STK39: variants seen among roughly 807,000 people sequenced by gnomAD.
STK39 encodes the protein serine/threonine kinase 39.
Under a neutral mutation model 77.8 loss-of-function variants are expected in STK39, and 20 were observed. The observed-to-expected ratio is 0.26, with a 90% confidence interval of 0.18 to 0.37. The LOEUF (loss-of-function observed/expected upper bound fraction) is 0.37. STK39 is among the 10% of genes least tolerant of loss of function. STK39 has a pLI of 1.00. For synonymous variants in STK39, 246 were observed against 234.1 expected (o/e 1.05, Z -0.47); for missense variants, 479 against 656.5 (o/e 0.73, Z 2.95).
intron 14 of STK39, among the ~76,000 whole-genome samples, chr2:168,050,133 A>G (rs749701231): frequency 6.6e-6 from 1 of 152,222 alleles, no homozygotes; most frequent in Non-Finnish European, 1.5e-5. Context: ...CATTTGGCAT[A>G]CACTGGGCAC....
intron 1 of STK39, among the ~76,000 whole-genome samples, chr2:168,222,944 A>G (rs1394496264): frequency 6.6e-6 from 1 of 152,098 alleles, no homozygotes; most frequent in Non-Finnish European, 1.5e-5. Context: ...AGTAATAACA[A>G]CTCCTCAGTG....
intron 10 of STK39, among the ~76,000 whole-genome samples, chr2:168,100,468 T>C (rs1686793031): frequency 6.6e-6 from 1 of 152,144 alleles, no homozygotes; most frequent in Non-Finnish European, 1.5e-5. Flanking sequence ...TGGGCTATGT[T>C]ACCCAGGCTG....
chr2:168,128,704 T>C (rs1687607070), intron 10 of STK39, among the ~76,000 whole-genome samples: 1 of 152,258 alleles, frequency 6.6e-6, no homozygotes, highest in Non-Finnish European at 1.5e-5. Context: ...TATTCAGCTA[T>C]GTATACCTTG....
chr2:168,191,201 C>T (rs776309692), intron 1 of STK39, among the ~76,000 whole-genome samples: 1 of 152,212 alleles, frequency 6.6e-6, no homozygotes, highest in Non-Finnish European at 1.5e-5. Flanking sequence ...ATCCCTCTGA[C>T]TGGACACAAC....
At chr2:167,963,258 A>G (rs1349554103) in intron 17 of STK39, among the ~76,000 whole-genome samples, 3 of 152,126 alleles carry the variant, frequency 2.0e-5, no homozygotes, top group Non-Finnish European at 2.9e-5. Context: ...GGAGAGTTTT[A>G]CATTATTCTT....
chr2:168,028,906 G>A (rs1181761565), intron 14 of STK39, among the ~76,000 whole-genome samples: 2 of 152,152 alleles, frequency 1.3e-5, no homozygotes, highest in African/African-American at 4.8e-5. Flanking sequence ...TGTCTTAGTA[G>A]GTGTATTTAT....
chr2:168,015,702 T>C (rs1684386643), intron 15 of STK39, among the ~76,000 whole-genome samples: 1 of 152,172 alleles, frequency 6.6e-6, no homozygotes, highest in South Asian at 2.1e-4. Context: ...AAAGAAACAA[T>C]CTTAAAATAA....
intron 1 of STK39, among the ~76,000 whole-genome samples, chr2:168,218,482 C>T (rs1030510367): frequency 2.0e-5 from 3 of 152,166 alleles, no homozygotes; most frequent in African/African-American, 7.2e-5. Flanking sequence ...GCGGTATTTG[C>T]GTCAACTGCT....
At chr2:168,220,661 T>C (rs1690145464) in intron 1 of STK39, among the ~76,000 whole-genome samples, 1 of 152,110 alleles carries the variant, frequency 6.6e-6, no homozygotes, top group South Asian at 2.1e-4. Context: ...TCAAGAAAAA[T>C]ATTCCATAAA....
At chr2:168,054,273 T>C (rs1310271832) in intron 14 of STK39, among the ~76,000 whole-genome samples, 1 of 152,226 alleles carries the variant, frequency 6.6e-6, no homozygotes, top group East Asian at 1.9e-4. Flanking sequence ...CATGTTAAAC[T>C]GACCTAGCTT....
chr2:168,143,810 C>T (rs1453240535), intron 5 of STK39, among the ~76,000 whole-genome samples: 2 of 152,182 alleles, frequency 1.3e-5, no homozygotes, highest in Admixed American at 6.5e-5. Flanking sequence ...CTCTCAGATT[C>T]AGACAGTAAG....
At chr2:168,001,543 A>G (rs1270529164) in intron 16 of STK39, among the ~76,000 whole-genome samples, 1 of 152,134 alleles carries the variant, frequency 6.6e-6, no homozygotes, top group African/African-American at 2.4e-5. Flanking sequence ...ATAACCTAAT[A>G]TAAGATGCAG....
chr2:167,980,893 T>C (rs1043802754), intron 16 of STK39, among the ~76,000 whole-genome samples: 21 of 151,992 alleles, frequency 1.4e-4, no homozygotes, highest in African/African-American at 4.8e-4. Context: ...CTTCTTCTTT[T>C]TTTTAATGTG....
chr2:168,024,170 T>C (rs957603247), intron 14 of STK39, among the ~76,000 whole-genome samples: 6 of 152,106 alleles, frequency 3.9e-5, no homozygotes, highest in African/African-American at 1.4e-4. Context: ...GGAGAAGAAA[T>C]GGATGGACTG....
At chr2:168,160,275 C>T (rs1239858774) in intron 5 of STK39, among the ~76,000 whole-genome samples, 1 of 152,212 alleles carries the variant, frequency 6.6e-6, no homozygotes, top group African/African-American at 2.4e-5. Context: ...TCCTTATCAT[C>T]TTAGAGCAAG....
intron 12 of STK39, among the ~76,000 whole-genome samples, chr2:168,072,011 G>C (rs532812260): frequency 6.6e-6 from 1 of 152,142 alleles, no homozygotes; most frequent in African/African-American, 2.4e-5. Context: ...AGCAGCCTAA[G>C]TGCTCGCCAA....
intron 16 of STK39, among the ~76,000 whole-genome samples, chr2:167,979,029 C>T (rs1056017357): frequency 6.6e-6 from 1 of 152,016 alleles, no homozygotes; most frequent in African/African-American, 2.4e-5. Flanking sequence ...CTTTTTATTG[C>T]TAAGTAGTAT....
At chr2:168,100,456 C>T (rs116789621) in intron 10 of STK39, among the ~76,000 whole-genome samples, 437 of 152,128 alleles carry the variant, frequency 2.9e-3, no homozygotes, top group Non-Finnish European at 4.1e-3. Flanking sequence ...AAAGATGAGG[C>T]CTGGGCTATG....
chr2:168,049,487 G>T (rs550041762), intron 14 of STK39, among the ~76,000 whole-genome samples: 56 of 152,246 alleles, frequency 3.7e-4, no homozygotes, highest in African/African-American at 1.3e-3. Flanking sequence ...ATTTAAATGA[G>T]GACCTACCAG....
Sources: allele counts gnomAD v4.1 joint callset (sites outside exome capture counted in the v4.1 genomes callset), GRCh38; gene constraint gnomAD v4.1.1; transcripts MANE v1.5; gene names NCBI Gene and HGNC (gene_info 2026-07-23, HGNC 2026-07-21).